Variants in MAP3K2 observed in about 807,000 individuals in gnomAD.
MAP3K2 encodes the protein mitogen-activated protein kinase kinase kinase 2.
A neutral mutation model predicts 80.3 loss-of-function variants in MAP3K2; 24 were observed. That is an observed-to-expected ratio of 0.30 (90% CI 0.22 to 0.42). The LOEUF (loss-of-function observed/expected upper bound fraction) is 0.42. Among genes scored for constraint, MAP3K2 ranks in the 10% least tolerant of loss-of-function variants. The pLI is 1.00. For synonymous variants in MAP3K2, 244 were observed against 253.7 expected, an observed-to-expected ratio of 0.96 and a Z score of 0.36; for missense variants, 608 against 750.1, an observed-to-expected ratio of 0.81 and a Z score of 2.21.
upstream of MAP3K2, chr2:127,388,119 A>G: frequency 2.0e-6 from 2 of 984,228 alleles, no homozygotes; most frequent in Non-Finnish European, 2.4e-6. Flanking sequence ...ACGCCCACAC[A>G]CAGGCCACCG....
intron 1 of MAP3K2, among the ~76,000 whole-genome samples, chr2:127,370,907 T>G (rs1427771790): frequency 1.3e-5 from 2 of 152,186 alleles, no homozygotes; most frequent in Admixed American, 1.3e-4. Flanking sequence ...AGGTTTTGCC[T>G]GAGCCCCCTC....
intron 1 of MAP3K2, among the ~76,000 whole-genome samples, chr2:127,343,442 C>G (rs921202856): frequency 6.6e-6 from 1 of 152,110 alleles, no homozygotes. Flanking sequence ...AGTGTTTGTA[C>G]AAACCATTAT....
rs943253718 is a variant in MAP3K2, at chr2:127,364,243, T to C, written c.-65-21049A>G. Among the ~76,000 whole-genome samples, 8 of 152,094 alleles carry C rather than the reference T, an allele frequency of 5.3e-5. No homozygotes were observed. Among genetic ancestry groups the C allele is most frequent in the Admixed American group, 5.2e-4 (8 of 15,258 alleles). On this transcript the variant is annotated intron_variant, in intron 1 of 16. Coordinates refer to ENST00000682094, the MANE Select transcript of MAP3K2 (RefSeq NM_001371910.2). The surrounding 1 kb of genome is among the most constrained non-coding windows in gnomAD (Gnocchi z 4.1). Reference sequence around the variant, plus strand: ...CTACTAATTTGCATCTCAAAACAATTTACCCAGGAAACCATTCGGATAACC... The same window carrying C: ...CTACTAATTTGCATCTCAAAACAATCTACCCAGGAAACCATTCGGATAACC...
rs1319842100 is a variant in MAP3K2 at position 127,298,850 on chromosome 2, C to A, written c.*8729G>T. On this transcript the variant is annotated 3_prime_UTR_variant, in exon 17 of 17. Coordinates refer to ENST00000682094, the MANE Select transcript of MAP3K2 (RefSeq NM_001371910.2). Reference sequence around the variant, plus strand: ...TATTGCAGGCCTTCATGCACGTAAACCTCAACAAAATGTGTGCCAACAATA... The same window carrying A: ...TATTGCAGGCCTTCATGCACGTAAAACTCAACAAAATGTGTGCCAACAATA... 6.6e-6 allele frequency: 1 copy of A among 152,112 alleles called. No individual in the cohort carries two copies. The highest frequency in any genetic ancestry group is 2.4e-5 in the African/African-American group (1 of 41,412). 9.4% of individuals were successfully genotyped at this position (152,112 alleles called of 1,614,324 possible).
At chr2:127,353,308 G>GC (rs2104862696) in intron 1 of MAP3K2, among the ~76,000 whole-genome samples, 1 of 152,036 alleles carries the variant, frequency 6.6e-6, no homozygotes, top group Non-Finnish European at 1.5e-5. Flanking sequence ...CCTCTGCCCC[G>GC]CCGCCCCGTC....
At chr2:127,385,473 C>T (rs1687327367) in intron 1 of MAP3K2, among the ~76,000 whole-genome samples, 2 of 152,152 alleles carry the variant, frequency 1.3e-5, no homozygotes, top group Non-Finnish European at 2.9e-5. Context: ...TAACTATATG[C>T]ACCGTGAAAC....
intron 14 of MAP3K2, among the ~76,000 whole-genome samples, chr2:127,315,084 G>A (rs901242956): frequency 6.6e-6 from 1 of 152,112 alleles, no homozygotes; most frequent in South Asian, 2.1e-4. Flanking sequence ...AAAAAGGAAT[G>A]GGTGTAACTA....
chr2:127,384,382 T>C (rs1687308352), intron 1 of MAP3K2, among the ~76,000 whole-genome samples: 1 of 152,180 alleles, frequency 6.6e-6, no homozygotes, highest in Admixed American at 6.5e-5. Context: ...CAGATTCTTC[T>C]GACAGATCTG....
chr2:127,350,454 CAAAAAAAA>C (rs752516255), intron 1 of MAP3K2, among the ~76,000 whole-genome samples: 3 of 99,406 alleles, frequency 3.0e-5, no homozygotes, highest in South Asian at 3.6e-4. Flanking sequence ...AAAACAAAAA[CAAAAAAAA>C]AAAAAAAAAG....
At position 127,300,741 on chromosome 2, in the gene MAP3K2, T is replaced by C. The variant is rs1030638421; in HGVS notation, c.*6838A>G. On this transcript the variant is annotated 3_prime_UTR_variant, in exon 17 of 17. Transcript: ENST00000682094. ...TTATCCTTAGACACTGTACTTTCAA[T>C]TGAATAGGGTGTATTGCAAGAATTT... The C allele has an allele frequency of 5.3e-5, 8 of 152,222 alleles. No homozygotes were observed. The highest frequency in any genetic ancestry group is 3.8e-4 in the East Asian group (2 of 5,202). The allele number at this position is 152,222 out of a possible 1,614,324, so 9.4% of individuals were successfully genotyped here.
Position 127,326,707 on chromosome 2 carries a change from T to C in MAP3K2, c.577A>G (p.Ile193Val). ...CTTACTTGGTCCATGCTCTCTGGAA[T>C]GAACTCTCCTTCACTGTTGATACTA... Reference protein sequence around the residue: ...FTSINSEGEFIPESMDQMLDP... With the variant: ...FTSINSEGEFVPESMDQMLDP... The change falls in exon 8 of 17, where the codon ATT becomes GTT. Residue 193 changes from isoleucine (I) to valine (V), a missense_variant. By Grantham distance (29) the Ile-to-Val change is conservative. Transcript: ENST00000682094. The C allele has an allele frequency of 1.3e-6, 2 of 1,595,108 alleles. No homozygotes were observed. The highest frequency in any genetic ancestry group is 1.7e-6 in the Non-Finnish European group (2 of 1,172,940).
chr2:127,366,438 C>T (rs1393354202), intron 1 of MAP3K2, among the ~76,000 whole-genome samples: 4 of 148,506 alleles, frequency 2.7e-5, no homozygotes, highest in Non-Finnish European at 5.9e-5. Flanking sequence ...TCAGAGGATA[C>T]GTGTATGCTT....
At position 127,320,224 on chromosome 2, in the gene MAP3K2, A is replaced by T. The variant is rs536202404; in HGVS notation, c.1045+1822T>A. On this transcript the variant is annotated intron_variant, in intron 12 of 16. Coordinates refer to ENST00000682094, the MANE Select transcript of MAP3K2 (RefSeq NM_001371910.2). ...GAAATTTAAAATAACTATGACTAAC[A>T]TGTTAAAGGTTCTAATGGAAAAGGT... Among the ~76,000 whole-genome samples the T allele has an allele frequency of 2.0e-5, 3 of 152,328 alleles. No individual in the cohort carries two copies. The East Asian group carries it at 5.8e-4, about 29-fold the overall frequency.
At chr2:127,386,974 G>C (rs1405333163) in intron 1 of MAP3K2, among the ~76,000 whole-genome samples, 2 of 152,106 alleles carry the variant, frequency 1.3e-5, no homozygotes, top group African/African-American at 4.8e-5. Context: ...ACCTCATTGA[G>C]CTGGGAAGAT....
Position 127,364,785 on chromosome 2 carries a change from C to A in MAP3K2, c.-65-21591G>T, listed in dbSNP as rs899375739. 3.3e-5 allele frequency among the ~76,000 whole-genome samples: 5 copies of A among 152,044 alleles called. No homozygotes were observed. Among genetic ancestry groups the A allele is most frequent in the Non-Finnish European group, 7.4e-5 (5 of 68,018 alleles). Reference sequence around the variant, plus strand: ...TTCCCCTCATCTTTAAAAATATACCCCTCCTATTTCTCAATCTCTTCTCAT... The same window carrying A: ...TTCCCCTCATCTTTAAAAATATACCACTCCTATTTCTCAATCTCTTCTCAT... On this transcript the variant is annotated intron_variant, in intron 1 of 16. Coordinates refer to ENST00000682094, the MANE Select transcript of MAP3K2 (RefSeq NM_001371910.2). The surrounding 1 kb of genome is among the most constrained non-coding windows in gnomAD (Gnocchi z 4.1).
intron 13 of MAP3K2, 48 bp from the exon 14 acceptor site, chr2:127,317,808 C>A: frequency 2.6e-6 from 4 of 1,536,420 alleles, no homozygotes; most frequent in Admixed American, 4.1e-5. Context: ...TCAGTAAAAG[C>A]AAAAAATTCT....
chr2:127,316,551 A>G (rs1685908848), intron 14 of MAP3K2, among the ~76,000 whole-genome samples: 1 of 152,224 alleles, frequency 6.6e-6, no homozygotes, highest in Non-Finnish European at 1.5e-5. Flanking sequence ...ATCAGTGCTA[A>G]AAACATTAGG....
intron 1 of MAP3K2, among the ~76,000 whole-genome samples, chr2:127,349,636 A>G (rs1056029672): frequency 2.0e-5 from 3 of 152,178 alleles, no homozygotes; most frequent in Admixed American, 1.3e-4. Flanking sequence ...AAAAGATAAT[A>G]TAACTTATAA....
At chr2:127,363,071 A>G (rs1040489297) in intron 1 of MAP3K2, among the ~76,000 whole-genome samples, 4 of 152,230 alleles carry the variant, frequency 2.6e-5, no homozygotes, top group African/African-American at 9.6e-5. Flanking sequence ...AGTAATCAAG[A>G]GACAATTTAA....
Sources: gnomAD v4.1 joint callset for allele counts (sites outside exome capture counted in the v4.1 genomes callset) on GRCh38, gnomAD v4.1.1 for gene constraint, Gnocchi (gnomAD v3.1) non-coding constraint, MANE v1.5 for transcripts, NCBI Gene and HGNC (gene_info 2026-07-23, HGNC 2026-07-21) for gene names.